Variants in USH2A observed in about 807,000 individuals in gnomAD.
USH2A encodes usherin, also known as Usher syndrome 2A (autosomal recessive, mild).
A neutral mutation model predicts 538.9 loss-of-function variants in USH2A; 443 were observed. That is an observed-to-expected ratio of 0.82 (90% confidence interval 0.76 to 0.89). USH2A has a LOEUF of 0.89. Among genes scored for constraint, USH2A ranks in the 40% least tolerant of loss-of-function variants. USH2A has a pLI of 0.00. For missense variants in USH2A, 6,633 were observed against 6,324.8 expected, an observed-to-expected ratio of 1.05 and a Z score of -1.65; for synonymous variants, 2,413 against 2,273.5, an observed-to-expected ratio of 1.06 and a Z score of -1.75.
At chr1:215,695,342 T>C (rs1658769802) in intron 61 of USH2A, among the ~76,000 whole-genome samples, 2 of 152,242 alleles carry the variant, frequency 1.3e-5, no homozygotes. Context: ...GCCTATCCTA[T>C]CCTATCTTAT....
chr1:216,211,971 A>C (rs1332154284), intron 15 of USH2A, among the ~76,000 whole-genome samples: 1 of 152,144 alleles, frequency 6.6e-6, no homozygotes. Flanking sequence ...TTTTTAGTGA[A>C]TATTAGTGAT....
chr1:216,050,753 C>G (rs937513714), intron 30 of USH2A, among the ~76,000 whole-genome samples: 6 of 150,612 alleles, frequency 4.0e-5, no homozygotes, highest in African/African-American at 1.5e-4. Context: ...TACAGGCGCC[C>G]GCCACCACGC....
At chr1:216,278,275 A>G (rs978287342) in intron 11 of USH2A, among the ~76,000 whole-genome samples, 2 of 152,124 alleles carry the variant, frequency 1.3e-5, no homozygotes, top group Non-Finnish European at 2.9e-5. Context: ...CTCAACATAA[A>G]CTGGAGGCTA....
At position 215,623,015 on chromosome 1, in the gene USH2A, A is replaced by T. The variant is rs1021786409; in HGVS notation, c.*2766T>A. The T allele has an allele frequency of 2.6e-5, 4 of 152,124 alleles. No homozygotes were observed. Among genetic ancestry groups the T allele is most frequent in the African/African-American group, 9.6e-5 (4 of 41,456 alleles). The allele number at this position is 152,124 out of a possible 1,614,324, so 9.4% of individuals were successfully genotyped here. On this transcript the variant is annotated 3_prime_UTR_variant, in exon 72 of 72. Coordinates refer to ENST00000307340, the MANE Select transcript of USH2A (RefSeq NM_206933.4). ...AAGTTCCTTATTAATGAATTCTTCC[A>T]CTTGGACTATGTTTTATTTACCGGT...
At chr1:215,707,282 A>T (rs1030234752) in intron 61 of USH2A, among the ~76,000 whole-genome samples, 1 of 152,220 alleles carries the variant, frequency 6.6e-6, no homozygotes, top group African/African-American at 2.4e-5. Context: ...ACCCAGGAAG[A>T]GTCCACTTCT....
At chr1:215,863,315 C>G (rs1664379972) in intron 44 of USH2A, among the ~76,000 whole-genome samples, 1 of 152,048 alleles carries the variant, frequency 6.6e-6, no homozygotes, top group African/African-American at 2.4e-5. Flanking sequence ...GTGGTCTCTT[C>G]TATTTGATAA....
chr1:216,331,682 T>G (rs2037865660), intron 4 of USH2A, among the ~76,000 whole-genome samples: 1 of 152,156 alleles, frequency 6.6e-6, no homozygotes, highest in Admixed American at 6.6e-5. Context: ...AAATGAGTAA[T>G]AATTTAATTT....
intron 52 of USH2A, among the ~76,000 whole-genome samples, 162 bp from the exon 53 acceptor site, chr1:215,783,097 T>A (rs1255966684): frequency 6.6e-6 from 1 of 152,142 alleles, no homozygotes; most frequent in Non-Finnish European, 1.5e-5. Context: ...TTTCTAAATA[T>A]AAGTAACATT....
chr1:216,263,317 A>T (rs1463538513), intron 11 of USH2A, among the ~76,000 whole-genome samples: 4 of 152,150 alleles, frequency 2.6e-5, no homozygotes, highest in Non-Finnish European at 4.4e-5. Flanking sequence ...AATATGCAAC[A>T]GCAAAAACTA....
chr1:215,761,851 C>T (rs1403818877), intron 56 of USH2A, among the ~76,000 whole-genome samples: 2 of 152,096 alleles, frequency 1.3e-5, no homozygotes, highest in Non-Finnish European at 2.9e-5. Flanking sequence ...CACTGTAAAT[C>T]TCTTCTGGAG....
chr1:216,308,411 T>A (rs2037357432), intron 9 of USH2A, among the ~76,000 whole-genome samples: 1 of 152,162 alleles, frequency 6.6e-6, no homozygotes, highest in Admixed American at 6.6e-5. Context: ...TCACATTCTT[T>A]TTTTTTAGTT....
chr1:215,635,306 G>C (rs931221788), intron 69 of USH2A, among the ~76,000 whole-genome samples: 8 of 152,154 alleles, frequency 5.3e-5, no homozygotes, highest in African/African-American at 1.7e-4. Flanking sequence ...GCAAAGCTCA[G>C]CAAACCATCA....
At chr1:215,791,452 T>A (rs892406608) in intron 50 of USH2A, among the ~76,000 whole-genome samples, 2 of 152,194 alleles carry the variant, frequency 1.3e-5, no homozygotes, top group Admixed American at 6.5e-5. Flanking sequence ...TCATTGAAAG[T>A]AGACATTGGT....
At chr1:215,750,115 G>A (rs1322254822) in intron 58 of USH2A, among the ~76,000 whole-genome samples, 1 of 151,902 alleles carries the variant, frequency 6.6e-6, no homozygotes, top group Non-Finnish European at 1.5e-5. Context: ...CTATTAATTC[G>A]GTTTGATAGA....
intron 21 of USH2A, among the ~76,000 whole-genome samples, chr1:216,163,019 T>C (rs933405072): frequency 4.6e-5 from 7 of 152,036 alleles, no homozygotes; most frequent in African/African-American, 1.7e-4. Flanking sequence ...TTACCAGATA[T>C]ACTAATGTCT....
intron 15 of USH2A, among the ~76,000 whole-genome samples, chr1:216,215,747 A>G (rs1442750878): frequency 1.3e-5 from 2 of 152,270 alleles, no homozygotes; most frequent in Non-Finnish European, 2.9e-5. Context: ...TAAAGAGATA[A>G]AAAACCAAAA....
chr1:215,666,611 G>C (rs1228786634), intron 64 of USH2A, among the ~76,000 whole-genome samples: 1 of 152,088 alleles, frequency 6.6e-6, no homozygotes, highest in Non-Finnish European at 1.5e-5. Flanking sequence ...ATGGGGACTG[G>C]GTATCAGCAC....
chr1:216,125,592 A>T (rs2033236435), intron 21 of USH2A, among the ~76,000 whole-genome samples: 1 of 152,192 alleles, frequency 6.6e-6, no homozygotes, highest in Non-Finnish European at 1.5e-5. Flanking sequence ...ATTTTCCATC[A>T]TATTTCAAAT....
chr1:216,023,432 T>C (rs1418434675), intron 32 of USH2A, among the ~76,000 whole-genome samples: 1 of 85,344 alleles, frequency 1.2e-5, no homozygotes, highest in Non-Finnish European at 2.3e-5. Flanking sequence ...TTTTCTTCTT[T>C]TCCTCTTAAA....
Sources: allele counts gnomAD v4.1 joint callset (sites outside exome capture counted in the v4.1 genomes callset), GRCh38; gene constraint gnomAD v4.1.1; transcripts MANE v1.5; gene names NCBI Gene and HGNC (gene_info 2026-07-23, HGNC 2026-07-21).